Variants in STX7 observed in about 807,000 individuals in gnomAD.
STX7 encodes the protein syntaxin 7.
A neutral mutation model predicts 39.6 loss-of-function variants in STX7; 34 were observed. The observed-to-expected ratio is 0.86, with a 90% CI of 0.65 to 1.14. The LOEUF (loss-of-function observed/expected upper bound fraction) is 1.14. Among genes scored for constraint, STX7 ranks in the 50% most tolerant of loss-of-function variants. The probability of loss-of-function intolerance (pLI) is 0.00; values close to 1 mark genes in which losing one functional copy is unlikely to be tolerated. For synonymous variants in STX7, 119 were observed against 99.1 expected, an observed-to-expected ratio of 1.20 and a Z score of -1.19; for missense variants, 284 against 310.4, an observed-to-expected ratio of 0.92 and a Z score of 0.64.
chr6:132,460,809 A>G lies in STX7; in HGVS notation c.735T>C (p.Leu245=). The G allele has an allele frequency of 1.2e-6, 2 of 1,613,678 alleles. No individual in the cohort carries two copies. The highest frequency in any genetic ancestry group is 1.1e-5 in the South Asian group (1 of 91,060). Reference sequence around the variant, plus strand: ...GACTGATAATCGCAACTCCAATGACAAGGATAAGAATGATGATGCACAGGG... The same window carrying G: ...GACTGATAATCGCAACTCCAATGACGAGGATAAGAATGATGATGCACAGGG... ...RKTLCIIILI[L]VIGVAIISLI... Residue 245 remains leucine (L), a synonymous_variant, in exon 10 of 10, where the codon CTT becomes CTC. Coordinates refer to ENST00000367941, the MANE Select transcript of STX7 (RefSeq NM_003569.3).
chr6:132,501,047 A>G (rs1252636795), intron 2 of STX7, among the ~76,000 whole-genome samples: 2 of 150,876 alleles, frequency 1.3e-5, no homozygotes, highest in Non-Finnish European at 2.9e-5. Flanking sequence ...CTTCACCTGC[A>G]TGAACAGTCC....
At chr6:132,479,391 G>A (rs1046696179) in intron 2 of STX7, among the ~76,000 whole-genome samples, 2 of 152,154 alleles carry the variant, frequency 1.3e-5, no homozygotes, top group African/African-American at 4.8e-5. Context: ...AATCCCAATA[G>A]GAAAAACACA....
At chr6:132,496,423 C>T (rs1382307449) in intron 2 of STX7, among the ~76,000 whole-genome samples, 1 of 152,056 alleles carries the variant, frequency 6.6e-6, no homozygotes, top group African/African-American at 2.4e-5. Flanking sequence ...TTTGTTAATT[C>T]TGACAGGATA....
At chr6:132,512,533 C>A (rs950987224) in intron 1 of STX7, among the ~76,000 whole-genome samples, 1 of 152,322 alleles carries the variant, frequency 6.6e-6, no homozygotes, top group African/African-American at 2.4e-5. Context: ...ATACACGGTT[C>A]GCCTGCTACA....
rs745375542 is a variant in STX7, at chr6:132,471,599, C to T, written c.251G>A (p.Arg84His). The T allele has an allele frequency of 3.1e-6, 5 of 1,609,158 alleles. No homozygotes were observed. The highest frequency in any genetic ancestry group is 1.3e-5 in the African/African-American group (1 of 74,558). ...GCGATCCTTCTGTATTTTCCTTTGA[C>T]GCTAGAGGAAAGAGAAGAAAAAGCC... ...GSLPTTPSEQRQRKIQKDRLV... is the reference protein window; with the variant it reads ...GSLPTTPSEQHQRKIQKDRLV... Residue 84 changes from arginine to histidine, a missense_variant and splice_region_variant, in exon 5 of 10, where the codon CGT becomes CAT. Arg to His is a conservative substitution (Grantham distance 29). Transcript: ENST00000367941.
rs953409619 is a variant in STX7 at position 132,453,295 on chromosome 6, CT to C, written c.*7462del. On this transcript the variant is annotated 3_prime_UTR_variant, in exon 10 of 10. Coordinates refer to ENST00000367941, the MANE Select transcript of STX7 (RefSeq NM_003569.3). ...TAAAAGTAAAACGTAAACTATAATA[CT>C]TTTAGAAAACAACATAAAAGAGAAA... The C allele has an allele frequency of 6.6e-6, 1 of 151,934 alleles. No homozygotes were observed. Among genetic ancestry groups the C allele is most frequent in the African/African-American group, 2.4e-5 (1 of 41,368 alleles). 9.4% of individuals were successfully genotyped at this position (151,934 alleles called of 1,614,324 possible). A position where few individuals can be genotyped will look rare whatever the true frequency, so the allele number is the denominator to read the frequency against.
At chr6:132,479,953 T>C (rs1022705414) in intron 2 of STX7, among the ~76,000 whole-genome samples, 1 of 152,104 alleles carries the variant, frequency 6.6e-6, no homozygotes, top group Admixed American at 6.6e-5. Context: ...TTGTTGAGGG[T>C]TGACCCAACT....
At chr6:132,475,992 G>C (rs999091282) in intron 2 of STX7, among the ~76,000 whole-genome samples, 3 of 152,066 alleles carry the variant, frequency 2.0e-5, no homozygotes, top group African/African-American at 4.8e-5. Context: ...CATAAAAATT[G>C]TGAGGAAATA....
chr6:132,467,513 T>G (rs1003664938), intron 8 of STX7, among the ~76,000 whole-genome samples: 4 of 152,180 alleles, frequency 2.6e-5, no homozygotes, highest in Non-Finnish European at 5.9e-5. Flanking sequence ...CCTCCCATTA[T>G]AAGATCAATT....
At position 132,468,442 on chromosome 6, in the gene STX7, C is replaced by G; in HGVS notation, c.571G>C (p.Asp191His). Residue 191 changes from aspartate (D) to histidine (H), a missense_variant, in exon 8 of 10, where the codon GAT (aspartate) becomes CAT (histidine). Transcript: ENST00000367941. Reference sequence around the variant, plus strand: ...TGTTCATGAATCATCATTCCCAAATCTTTAAATATTTCATTAATATCCATA... The same window carrying G: ...TGTTCATGAATCATCATTCCCAAATGTTTAAATATTTCATTAATATCCATA... Reference protein sequence around the residue: ...DIMDINEIFKDLGMMIHEQGD... With the variant: ...DIMDINEIFKHLGMMIHEQGD... 1 of 1,607,136 alleles carries G rather than the reference C, an allele frequency of 6.2e-7. No homozygotes were observed. Among genetic ancestry groups the G allele is most frequent in the Non-Finnish European group, 8.5e-7 (1 of 1,176,294 alleles).
At chr6:132,461,386 A>C (rs868760802) in intron 9 of STX7, among the ~76,000 whole-genome samples, 76 of 152,186 alleles carry the variant, frequency 5.0e-4, no homozygotes, top group African/African-American at 1.6e-3. Flanking sequence ...GGCTCACTGC[A>C]ATCTCTACCT....
chr6:132,464,312 C>T (rs1268956839), intron 8 of STX7, among the ~76,000 whole-genome samples: 1 of 152,162 alleles, frequency 6.6e-6, no homozygotes, highest in Non-Finnish European at 1.5e-5. Context: ...CCTTAATCAT[C>T]TTCATTACAG....
chr6:132,463,973 A>G lies in STX7; in HGVS notation c.693+20T>C. 1 of 1,613,096 alleles carries G rather than the reference A, an allele frequency of 6.2e-7. No individual in the cohort carries two copies. Among genetic ancestry groups the G allele is most frequent in the South Asian group, 1.1e-5 (1 of 91,068 alleles). On this transcript the variant is annotated intron_variant, in intron 9 of 9. Transcript: ENST00000367941. ...TACGAAAAGGATAAGTTATAAGAAA[A>G]TTGATCACAGTTAAATTACCTGATA...
chr6:132,487,499 A>G (rs1775169363), intron 2 of STX7, among the ~76,000 whole-genome samples: 1 of 152,162 alleles, frequency 6.6e-6, no homozygotes, highest in African/African-American at 2.4e-5. Context: ...CAGGGGAGGG[A>G]GAGCATTAGG....
intron 6 of STX7, 30 bp downstream of exon 6, chr6:132,470,544 T>C (rs995484789): frequency 6.4e-7 from 1 of 1,558,926 alleles, no homozygotes; most frequent in South Asian, 1.2e-5. Context: ...AAATTACCTT[T>C]TGATCTGTAA....
chr6:132,469,482 T>G (rs1207154088), intron 7 of STX7, among the ~76,000 whole-genome samples: 1 of 152,150 alleles, frequency 6.6e-6, no homozygotes, highest in African/African-American at 2.4e-5. Context: ...CAATATTATT[T>G]TTTTAAAAAA....
chr6:132,509,467 CA>C (rs1562343518), intron 1 of STX7, among the ~76,000 whole-genome samples: 1,154 of 20,830 alleles, frequency 0.055, 69 homozygotes, highest in Non-Finnish European at 0.13. Flanking sequence ...CATAACATAA[CA>C]TAACATAACA....
chr6:132,470,382 C>T (rs1304991454), intron 6 of STX7, among the ~76,000 whole-genome samples, 192 bp downstream of exon 6: 1 of 151,832 alleles, frequency 6.6e-6, no homozygotes, highest in Non-Finnish European at 1.5e-5. Flanking sequence ...ATTTGGAAAA[C>T]TTTATATATT....
chr6:132,463,443 C>CAT (rs974722540), intron 9 of STX7, among the ~76,000 whole-genome samples: 65 of 152,252 alleles, frequency 4.3e-4, no homozygotes, highest in African/African-American at 1.5e-3. Flanking sequence ...CATGTGGACT[C>CAT]CCTATATTAA....
Sources: allele counts gnomAD v4.1 joint callset (sites outside exome capture counted in the v4.1 genomes callset), GRCh38; gene constraint gnomAD v4.1.1; transcripts MANE v1.5; gene names NCBI Gene and HGNC (gene_info 2026-07-23, HGNC 2026-07-21).